Variants in FBXL13 observed in about 807,000 individuals in gnomAD.
FBXL13 encodes F-box and leucine rich repeat protein 13, also known as F-box and leucine-rich repeat protein 13.
Under a neutral mutation model 83.6 loss-of-function variants are expected in FBXL13, and 67 were observed. The observed-to-expected ratio is 0.80, with a 90% CI of 0.66 to 0.98. The LOEUF (loss-of-function observed/expected upper bound fraction) is 0.98, where lower values mean the gene tolerates loss of function less well. FBXL13 is among the 50% of genes least tolerant of loss of function. FBXL13 has a pLI of 0.00. For missense variants in FBXL13, 822 were observed against 866.5 expected, an observed-to-expected ratio of 0.95 and a Z score of 0.64; for synonymous variants, 272 against 299.5, an observed-to-expected ratio of 0.91 and a Z score of 0.95.
At chr7:103,002,389 T>C (rs1790493961) in intron 6 of FBXL13, among the ~76,000 whole-genome samples, 1 of 152,258 alleles carries the variant, frequency 6.6e-6, no homozygotes, top group Non-Finnish European at 1.5e-5. Flanking sequence ...GCTATAGTTA[T>C]TATTTTCAAT....
At position 102,974,119 on chromosome 7, in the gene FBXL13, G is replaced by A. The variant is rs543174583; in HGVS notation, c.496-6002C>T. Among the ~76,000 whole-genome samples the A allele has an allele frequency of 3.9e-5, 6 of 152,244 alleles. No homozygotes were observed. The South Asian group carries it at 6.2e-4, about 16-fold the overall frequency. On this transcript the variant is annotated intron_variant, in intron 6 of 19. Transcript: ENST00000313221. The stretch of plus-strand genomic sequence containing the variant: ...AAAACCTGTAAACCTGGCCAGGTGC[G>A]GTGGCTCATGCCTGTAATCCTAGCA...
chr7:102,973,809 C>A, intron 6 of FBXL13: 1 of 728,216 alleles, frequency 1.4e-6, no homozygotes, highest in South Asian at 1.4e-5. Context: ...AGGAAAAATC[C>A]ATACAGCCTC....
At chr7:102,848,415 G>C (rs1179493199) in intron 17 of FBXL13, among the ~76,000 whole-genome samples, 1 of 100,812 alleles carries the variant, frequency 9.9e-6, no homozygotes, top group African/African-American at 5.9e-5. Context: ...AATTAGCCGG[G>C]CGTAGTGGCG....
intron 8 of FBXL13, among the ~76,000 whole-genome samples, chr7:102,959,440 T>A (rs938342999): frequency 3.9e-5 from 6 of 152,020 alleles, no homozygotes; most frequent in African/African-American, 1.4e-4. Context: ...TAATATATAT[T>A]GTTTGAAATT....
chr7:102,976,116 C>A, intron 6 of FBXL13: 2 of 766,486 alleles, frequency 2.6e-6, no homozygotes, highest in Non-Finnish European at 4.8e-6. Flanking sequence ...GCCAATCAAA[C>A]CCTCCTACTC....
chr7:103,033,532 G>A (rs577297156), intron 2 of FBXL13, among the ~76,000 whole-genome samples: 4 of 152,310 alleles, frequency 2.6e-5, no homozygotes, highest in South Asian at 2.1e-4. Flanking sequence ...TGGTGGATTC[G>A]TGGTCTTGCT....
intron 16 of FBXL13, among the ~76,000 whole-genome samples, chr7:102,867,208 A>G (rs748971165): frequency 1.1e-4 from 16 of 151,896 alleles, no homozygotes; most frequent in Non-Finnish European, 1.5e-4. Context: ...AATTTGAAAA[A>G]TCAGCCAGTC....
chr7:103,061,369 T>C (rs1797888986), intron 1 of FBXL13, among the ~76,000 whole-genome samples: 1 of 152,094 alleles, frequency 6.6e-6, no homozygotes, highest in African/African-American at 2.4e-5. Flanking sequence ...AGAAAATTGT[T>C]ATTGGAAAAT....
chr7:102,881,196 A>G (rs953123615), intron 14 of FBXL13, among the ~76,000 whole-genome samples: 9 of 152,276 alleles, frequency 5.9e-5, no homozygotes, highest in Admixed American at 4.6e-4. Context: ...CTGTAATCCC[A>G]GCACTTTGGG....
chr7:102,813,004 G>A (rs928640219), downstream of FBXL13, among the ~76,000 whole-genome samples: 6 of 151,718 alleles, frequency 4.0e-5, no homozygotes, highest in Non-Finnish European at 7.4e-5. Flanking sequence ...CACCACACCC[G>A]GCTAATTTTT....
At chr7:103,044,034 A>G (rs1796021087) in intron 2 of FBXL13, among the ~76,000 whole-genome samples, 1 of 152,192 alleles carries the variant, frequency 6.6e-6, no homozygotes, top group African/African-American at 2.4e-5. Context: ...ATGCACTAGG[A>G]AAAACACAAC....
chr7:103,022,439 C>G (rs1340472378), intron 6 of FBXL13, among the ~76,000 whole-genome samples: 1 of 151,960 alleles, frequency 6.6e-6, no homozygotes, highest in Admixed American at 6.6e-5. Context: ...TGTAACAAAC[C>G]TGCACGTTGT....
At chr7:102,823,550 AG>A (rs1227008883) in intron 18 of FBXL13, among the ~76,000 whole-genome samples, 1 of 152,168 alleles carries the variant, frequency 6.6e-6, no homozygotes, top group Non-Finnish European at 1.5e-5. Flanking sequence ...TGTCCTACAG[AG>A]GTAATTCAAG....
chr7:103,010,623 G>C (rs1585342050), intron 6 of FBXL13, among the ~76,000 whole-genome samples: 1 of 152,088 alleles, frequency 6.6e-6, no homozygotes, highest in Non-Finnish European at 1.5e-5. Flanking sequence ...TCCCAGTTTT[G>C]CATAGGTCCC....
intron 16 of FBXL13, among the ~76,000 whole-genome samples, chr7:102,875,584 A>G (rs1460554371): frequency 1.3e-5 from 2 of 152,126 alleles, no homozygotes; most frequent in African/African-American, 4.8e-5. Context: ...AATAAGACAG[A>G]GTGTTCCTGT....
At position 103,055,629 on chromosome 7, in the gene FBXL13, C is replaced by A. The variant is rs1299321592; in HGVS notation, c.-1+15G>T. The A allele has an allele frequency of 8.7e-7, 1 of 1,151,056 alleles. No homozygotes were observed. Among genetic ancestry groups the A allele is most frequent in the East Asian group, 5.9e-5 (1 of 16,830 alleles). 71.3% of individuals were successfully genotyped at this position (1,151,056 alleles called of 1,614,324 possible). A position where few individuals can be genotyped will look rare whatever the true frequency, so the allele number is the denominator to read the frequency against. ...AATAAAATATTTCCCTATCAAAAAT[C>A]AAAACAATACTTACCAAAGAAGATT... On this transcript the variant is annotated intron_variant, in intron 2 of 19. Coordinates refer to ENST00000313221, the Ensembl canonical transcript of FBXL13.
intron 16 of FBXL13, among the ~76,000 whole-genome samples, chr7:102,860,443 C>T (rs957865518): frequency 4.6e-5 from 7 of 152,126 alleles, no homozygotes; most frequent in Admixed American, 4.6e-4. Context: ...GAAGAAATAG[C>T]ATGGACAGAG....
intron 2 of FBXL13, among the ~76,000 whole-genome samples, chr7:103,048,756 T>C (rs1796529774): frequency 6.6e-6 from 1 of 152,226 alleles, no homozygotes; most frequent in Non-Finnish European, 1.5e-5. Flanking sequence ...ACACACAGAA[T>C]TTCTTTTACA....
intron 8 of FBXL13, chr7:102,933,771 C>T: frequency 2.6e-6 from 2 of 759,194 alleles, no homozygotes; most frequent in African/African-American, 1.8e-5. Context: ...TTTTCTCTTC[C>T]AGCCTAGGGA....
Sources: allele counts gnomAD v4.1 joint callset (sites outside exome capture counted in the v4.1 genomes callset), GRCh38; gene constraint gnomAD v4.1.1; transcripts MANE v1.5; gene names NCBI Gene and HGNC (gene_info 2026-07-23, HGNC 2026-07-21).